The following MICAL2 variants were observed in gnomAD, a reference collection of about 807,000 sequenced individuals.
MICAL2 encodes [F-actin]-monooxygenase MICAL2.
MICAL2 carries 77 observed loss-of-function variants against 127.3 expected under a neutral mutation model. The ratio of observed to expected loss-of-function variants is 0.60; its 90% CI spans 0.50 to 0.73. MICAL2 has a LOEUF of 0.73. Ranked by LOEUF, MICAL2 falls within the 30% of genes least tolerant of loss-of-function variation. The pLI is 0.00. For synonymous variants in MICAL2, 570 were observed against 551.1 expected (o/e 1.03, Z -0.48); for missense variants, 1,351 against 1,434.4 (o/e 0.94, Z 0.94).
chr11:12,319,830 C>A, intron 30 of MICAL2: 1 of 1,585,140 alleles, frequency 6.3e-7, no homozygotes, highest in Non-Finnish European at 8.7e-7. Flanking sequence ...ACTTGACCAG[C>A]CAAAGAGGGC....
chr11:12,293,432 T>C (rs186465413), downstream of MICAL2: 17 of 1,193,704 alleles, frequency 1.4e-5, no homozygotes, highest in East Asian at 4.0e-4. Flanking sequence ...GGCAAAATTA[T>C]TTTTTAATTT....
At chr11:12,245,276 C>T (rs1314889666) in intron 21 of MICAL2, among the ~76,000 whole-genome samples, 2 of 152,224 alleles carry the variant, frequency 1.3e-5, no homozygotes, top group African/African-American at 2.4e-5. Context: ...TGGCTCCCAC[C>T]GAGGCTCTGT....
In MICAL2 at chr11:12,354,568, G is replaced by T. The variant is rs898903429; in HGVS notation, c.5616-216G>T. ...CAGAAGAATCACTTGGACCTGGGGGGCGAAGGTTGCAGTGAGCTGGTGCCA... is the reference window on the plus strand; with the variant it reads ...CAGAAGAATCACTTGGACCTGGGGGTCGAAGGTTGCAGTGAGCTGGTGCCA... On this transcript the variant is annotated intron_variant, in intron 33 of 34. Coordinates refer to the MICAL2 transcript ENST00000646065. Among the ~76,000 whole-genome samples, 17 of 152,242 alleles carry T rather than the reference G, an allele frequency of 1.1e-4. No individual in the cohort carries two copies. The East Asian group carries it at 1.9e-3, about 17-fold the overall frequency.
rs56280931 is a variant in MICAL2 at position 12,116,351 on chromosome 11, ATTTTTTTTT to A, written c.-149+5643_-149+5651del. On this transcript the variant is annotated intron_variant, in intron 1 of 27. Transcript: ENST00000683283. ...TTCTAATGTTAGGCTCTTGATTTTGATTTTTTTTTTTTTTTTTTTTTTTTTTAACTGAGG... is the reference window on the plus strand; with the variant it reads ...TTCTAATGTTAGGCTCTTGATTTTGATTTTTTTTTTTTTTTTTAACTGAGG... 5.9e-3 allele frequency among the ~76,000 whole-genome samples: 633 copies of A among 107,722 alleles called. 2 individuals are homozygous for A. The highest frequency in any genetic ancestry group is 0.02 in the Middle Eastern group (4 of 204). 70.7% of individuals were successfully genotyped at this position (107,722 alleles called of 152,430 possible). A position where few individuals can be genotyped will look rare whatever the true frequency, so the allele number is the denominator to read the frequency against.
chr11:12,216,398 C>A (rs1856162570), intron 8 of MICAL2, 79 bp downstream of exon 8: 1 of 1,134,080 alleles, frequency 8.8e-7, no homozygotes, highest in Non-Finnish European at 1.3e-6. Flanking sequence ...CAGATGTCGT[C>A]CTGCCAGAAA....
At chr11:12,223,354 C>T in intron 11 of MICAL2, 57 bp from the exon 12 acceptor site, 3 of 1,499,342 alleles carry the variant, frequency 2.0e-6, no homozygotes, top group South Asian at 1.1e-5. Flanking sequence ...GTTTAGGGGC[C>T]CTGAGACTAG....
intron 32 of MICAL2, among the ~76,000 whole-genome samples, chr11:12,331,142 A>G (rs1050520153): frequency 1.3e-5 from 2 of 152,124 alleles, no homozygotes; most frequent in African/African-American, 2.4e-5. Context: ...TTGCTTGTCA[A>G]TATGATGATC....
chr11:12,248,617 C>A (rs868034980), intron 21 of MICAL2, among the ~76,000 whole-genome samples: 1 of 152,214 alleles, frequency 6.6e-6, no homozygotes, highest in African/African-American at 2.4e-5. Flanking sequence ...CTGAGCATTG[C>A]AAAAGGAGCT....
chr11:12,341,550 G>A (rs887799551), intron 32 of MICAL2, among the ~76,000 whole-genome samples: 21 of 152,050 alleles, frequency 1.4e-4, no homozygotes, highest in East Asian at 9.6e-4. Flanking sequence ...TTATTGGCCC[G>A]GCGCGGTGGC....
intron 3 of MICAL2, among the ~76,000 whole-genome samples, chr11:12,176,196 G>A (rs759223997): frequency 4.6e-5 from 7 of 152,184 alleles, no homozygotes; most frequent in African/African-American, 1.4e-4. Flanking sequence ...GCCTCACTGC[G>A]AAGGTTAGGG....
chr11:12,306,490 AC>A lies in MICAL2; in HGVS notation c.5212+11636del, dbSNP rs1169503470. Among the ~76,000 whole-genome samples the A allele has an allele frequency of 2.0e-5, 3 of 152,318 alleles. No individual in the cohort carries two copies. In the East Asian group the frequency reaches 5.8e-4, roughly 29 times the overall value. ...GTATAATTTACATGCAATAAAATTT[AC>A]CCTTTTAAAATGTGCAGTTCCATGT... On this transcript the variant is annotated intron_variant, in intron 29 of 34. Transcript: ENST00000646065.
intron 24 of MICAL2, 109 bp from the exon 25 acceptor site, chr11:12,258,359 C>A: frequency 1.2e-6 from 1 of 840,312 alleles, no homozygotes; most frequent in South Asian, 1.4e-5. Context: ...GGGCTATTTC[C>A]ATCGTTACTA....
chr11:12,264,253 TAGGA>T (rs1190566212), downstream of MICAL2, among the ~76,000 whole-genome samples: 1 of 152,082 alleles, frequency 6.6e-6, no homozygotes, highest in African/African-American at 2.4e-5. Context: ...GGAAGGTAAG[TAGGA>T]AGGACTGGGC....
chr11:12,185,022 C>G (rs1457750665), intron 3 of MICAL2, among the ~76,000 whole-genome samples: 1 of 140,274 alleles, frequency 7.1e-6, no homozygotes, highest in Non-Finnish European at 1.6e-5. Flanking sequence ...TCTTCCTGTT[C>G]AAATGAGGTG....
intron 1 of MICAL2, among the ~76,000 whole-genome samples, chr11:12,128,508 A>G (rs1200319259): frequency 3.3e-5 from 5 of 152,254 alleles, no homozygotes; most frequent in Admixed American, 3.3e-4. Context: ...AAACATTGAC[A>G]TATAGGTTCT....
downstream of MICAL2, among the ~76,000 whole-genome samples, chr11:12,288,899 T>A (rs1863859763): frequency 1.3e-5 from 2 of 152,216 alleles, no homozygotes; most frequent in Non-Finnish European, 2.9e-5. Flanking sequence ...AGAGCCATCT[T>A]TTTTATTGTC....
Position 12,249,202 on chromosome 11 carries a change from G to C in MICAL2, c.2803G>C (p.Gly935Arg), listed in dbSNP as rs753285963. 2.5e-6 allele frequency: 4 copies of C among 1,613,664 alleles called. No homozygotes were observed. The highest frequency in any genetic ancestry group is 3.4e-6 in the Non-Finnish European group (4 of 1,179,702). The change falls in exon 22 of 28, where the codon GGG (glycine) becomes CGG (arginine). Residue 935 changes from glycine to arginine, a missense_variant. Coordinates refer to ENST00000683283, the MANE Select transcript of MICAL2 (RefSeq NM_001282663.2). ...TCTAAAGGAAAAGAAGTCACCTTCAGGGTTCCATTTTCATCCCAGCCATTT... is the reference window on the plus strand; with the variant it reads ...TCTAAAGGAAAAGAAGTCACCTTCACGGTTCCATTTTCATCCCAGCCATTT... ...PARKEKKSPS[G>R]FHFHPSHLRT...
chr11:12,189,128 A>G (rs1047152899), intron 3 of MICAL2, among the ~76,000 whole-genome samples: 9 of 151,998 alleles, frequency 5.9e-5, no homozygotes, highest in African/African-American at 2.2e-4. Flanking sequence ...TGAATTTGTA[A>G]TCTCTTAACC....
At chr11:12,139,500 G>A (rs978825677) in intron 2 of MICAL2, among the ~76,000 whole-genome samples, 13 of 152,300 alleles carry the variant, frequency 8.5e-5, no homozygotes, top group East Asian at 1.9e-4. Context: ...AGGCTCCGGC[G>A]GAGGGGCAGC....
Sources: allele counts gnomAD v4.1 joint callset (sites outside exome capture counted in the v4.1 genomes callset), GRCh38; gene constraint gnomAD v4.1.1; transcripts MANE v1.5; gene names NCBI Gene and HGNC (gene_info 2026-07-23, HGNC 2026-07-21).